The following LINGO2 variants were observed in gnomAD, a reference collection of about 807,000 sequenced individuals.
The protein encoded by LINGO2 is leucine rich repeat and Ig domain containing 2.
In LINGO2, 14 loss-of-function variants were observed where a neutral mutation model predicts 30.6. The ratio of observed to expected loss-of-function variants is 0.46; its 90% CI spans 0.30 to 0.72. The LOEUF (loss-of-function observed/expected upper bound fraction) is 0.72. LINGO2 is among the 30% of genes least tolerant of loss of function. The pLI is 0.07. For missense variants in LINGO2, 729 were observed against 751.7 expected, an observed-to-expected ratio of 0.97 and a Z score of 0.35; for synonymous variants, 317 against 288.5, an observed-to-expected ratio of 1.10 and a Z score of -1.00.
intron 5 of LINGO2, among the ~76,000 whole-genome samples, chr9:28,000,789 A>T (rs1821910127): frequency 6.6e-6 from 1 of 152,208 alleles, no homozygotes; most frequent in Non-Finnish European, 1.5e-5. Flanking sequence ...ATATATTCTC[A>T]TAATTATTCT....
chr9:28,809,165 A>C, the LINGO2 span, among the ~76,000 whole-genome samples: 1 of 152,212 alleles, frequency 6.6e-6, no homozygotes, highest in African/African-American at 2.4e-5. Flanking sequence ...TATTATACAC[A>C]ATTTATTTAG....
At chr9:28,645,363 T>A (rs547244129) in intron 1 of LINGO2, among the ~76,000 whole-genome samples, 1 of 152,120 alleles carries the variant, frequency 6.6e-6, no homozygotes, top group African/African-American at 2.4e-5. Context: ...GAAAATGTTA[T>A]GAAGTGCCTT....
chr9:28,500,704 T>C (rs1046733142), intron 1 of LINGO2, among the ~76,000 whole-genome samples: 1 of 152,010 alleles, frequency 6.6e-6, no homozygotes, highest in Non-Finnish European at 1.5e-5. Flanking sequence ...ATAGAGATCA[T>C]GGAAGAGATG....
rs558730211 is a variant in LINGO2, at chr9:28,147,769, G to A, written c.-86-135364C>T. 2.0e-4 allele frequency among the ~76,000 whole-genome samples: 31 copies of A among 152,174 alleles called. No homozygotes were observed. The highest frequency in any genetic ancestry group is 1.4e-3 in the Admixed American group (22 of 15,294). On this transcript the variant is annotated intron_variant, in intron 4 of 5. Coordinates refer to ENST00000379992, the Ensembl canonical transcript of LINGO2. The surrounding 1 kb of genome is among the most constrained non-coding windows in gnomAD (Gnocchi z 4.7). The stretch of plus-strand genomic sequence containing the variant: ...CCTGAGGCTAGAGTCCAGCTGGACC[G>A]GTGGAAGGGTCTCACCCTTTGCCCT...
chr9:27,971,470 C>A (rs1335050778), intron 5 of LINGO2, among the ~76,000 whole-genome samples: 1 of 152,166 alleles, frequency 6.6e-6, no homozygotes, highest in East Asian at 1.9e-4. Flanking sequence ...GCAACCTCCG[C>A]CTGGCTGGTT....
chr9:28,190,837 C>G (rs1472682890), intron 4 of LINGO2, among the ~76,000 whole-genome samples: 1 of 152,148 alleles, frequency 6.6e-6, no homozygotes, highest in Non-Finnish European at 1.5e-5. Flanking sequence ...ATAATAGATA[C>G]TCTTGCTGAA....
chr9:29,199,985 G>A, the LINGO2 span, among the ~76,000 whole-genome samples: 2 of 152,094 alleles, frequency 1.3e-5, no homozygotes, highest in Non-Finnish European at 2.9e-5. Flanking sequence ...AAAACTATCA[G>A]AATGCCTTAA....
chr9:29,130,877 A>G, the LINGO2 span, among the ~76,000 whole-genome samples: 1 of 152,038 alleles, frequency 6.6e-6, no homozygotes, highest in African/African-American at 2.4e-5. Context: ...AGATAGTTGG[A>G]CACATCTTTC....
chr9:28,324,588 C>T (rs1825158747), intron 3 of LINGO2, among the ~76,000 whole-genome samples: 1 of 152,158 alleles, frequency 6.6e-6, no homozygotes, highest in African/African-American at 2.4e-5. Flanking sequence ...TGGTCATCCT[C>T]ACTGCTCATT....
chr9:28,334,445 G>C (rs899225078), intron 3 of LINGO2, among the ~76,000 whole-genome samples: 4 of 152,040 alleles, frequency 2.6e-5, no homozygotes, highest in African/African-American at 9.7e-5. Flanking sequence ...CAATAAAATA[G>C]TATGGGTTTA....
At chr9:28,198,260 A>T (rs1351518366) in intron 4 of LINGO2, among the ~76,000 whole-genome samples, 1 of 151,370 alleles carries the variant, frequency 6.6e-6, no homozygotes, top group Admixed American at 6.6e-5. Flanking sequence ...AAAAAAAAAA[A>T]CAAACTCTAA....
chr9:29,002,350 A>C, the LINGO2 span, among the ~76,000 whole-genome samples: 28 of 152,214 alleles, frequency 1.8e-4, no homozygotes, highest in African/African-American at 6.3e-4. Context: ...CAAATGTCTC[A>C]GGAGGGTACA....
intron 1 of LINGO2, among the ~76,000 whole-genome samples, chr9:28,612,668 G>A (rs141310158): frequency 2.6e-5 from 4 of 152,118 alleles, no homozygotes; most frequent in African/African-American, 2.4e-5. Context: ...AGCAAATACC[G>A]GACTTGCTTT....
the LINGO2 span, among the ~76,000 whole-genome samples, chr9:29,188,036 T>A: frequency 7.1e-6 from 1 of 140,910 alleles, no homozygotes; most frequent in Non-Finnish European, 1.6e-5. Context: ...TTTTTTTTTT[T>A]TATTGATCAT....
the LINGO2 span, among the ~76,000 whole-genome samples, chr9:28,760,915 C>CAT: frequency 2.1e-5 from 3 of 141,736 alleles, no homozygotes; most frequent in Admixed American, 7.1e-5. Context: ...TATATACGTA[C>CAT]GTGTGTGTGT....
intron 2 of LINGO2, among the ~76,000 whole-genome samples, chr9:28,393,888 T>G (rs1478213808): frequency 2.6e-5 from 4 of 152,162 alleles, no homozygotes; most frequent in African/African-American, 9.6e-5. Context: ...CTTTGCCCCT[T>G]AGAGGGGATA....
intron 2 of LINGO2, among the ~76,000 whole-genome samples, chr9:28,405,000 C>A (rs1316812883): frequency 2.0e-5 from 3 of 151,414 alleles, no homozygotes; most frequent in Non-Finnish European, 4.4e-5. Context: ...TTGGAGCAAG[C>A]CAGCGGAAAT....
the LINGO2 span, among the ~76,000 whole-genome samples, chr9:28,842,673 A>T: frequency 2.0e-5 from 3 of 151,872 alleles, no homozygotes; most frequent in Non-Finnish European, 4.4e-5. Context: ...TGGGATAGTC[A>T]CAGGCCCTCA....
intron 2 of LINGO2, among the ~76,000 whole-genome samples, chr9:28,470,516 A>C (rs1825477241): frequency 6.6e-6 from 1 of 152,182 alleles, no homozygotes; most frequent in African/African-American, 2.4e-5. Flanking sequence ...TGGGAGCCCT[A>C]GGCCCTCTGT....
Sources: allele counts gnomAD v4.1 joint callset (sites outside exome capture counted in the v4.1 genomes callset), GRCh38; gene constraint gnomAD v4.1.1; non-coding constraint Gnocchi (gnomAD v3.1); transcripts MANE v1.5; gene names NCBI Gene and HGNC (gene_info 2026-07-23, HGNC 2026-07-21).